The following KCNK2 variants were observed in gnomAD, a reference collection of about 807,000 sequenced individuals.
KCNK2 encodes the protein potassium channel subfamily K member 2.
Under a neutral mutation model 40.5 loss-of-function variants are expected in KCNK2, and 21 were observed. That is an observed-to-expected ratio of 0.52 (90% confidence interval 0.37 to 0.75). The LOEUF (loss-of-function observed/expected upper bound fraction) is 0.75. Among genes scored for constraint, KCNK2 ranks in the 30% least tolerant of loss-of-function variants. The pLI is 0.00. For synonymous variants in KCNK2, 191 were observed against 202.2 expected (o/e 0.94, Z 0.47); for missense variants, 399 against 531.6 (o/e 0.75, Z 2.45).
chr1:215,115,548 GC>G (rs1235373821), intron 2 of KCNK2, among the ~76,000 whole-genome samples: 1 of 151,944 alleles, frequency 6.6e-6, no homozygotes, highest in African/African-American at 2.4e-5. Flanking sequence ...TCAGTCTCCT[GC>G]CTACTCAAAT....
chr1:215,155,650 G>T (rs1662886901), intron 3 of KCNK2, among the ~76,000 whole-genome samples: 1 of 152,058 alleles, frequency 6.6e-6, no homozygotes, highest in South Asian at 2.1e-4. Context: ...CTCTCAGGTA[G>T]CTGGGACTAC....
chr1:215,063,295 T>C (rs1203875001), intron 1 of KCNK2, among the ~76,000 whole-genome samples: 1 of 152,052 alleles, frequency 6.6e-6, no homozygotes, highest in African/African-American at 2.4e-5. Flanking sequence ...CACTGGCAGG[T>C]TTTCAGCTGG....
intron 1 of KCNK2, among the ~76,000 whole-genome samples, chr1:215,024,659 A>G (rs1656931631): frequency 1.3e-5 from 2 of 152,174 alleles, no homozygotes; most frequent in Non-Finnish European, 2.9e-5. Flanking sequence ...ATTCCCATTG[A>G]ACAAATGTTG....
At chr1:215,138,259 T>C (rs1414225482) in intron 3 of KCNK2, among the ~76,000 whole-genome samples, 1 of 152,182 alleles carries the variant, frequency 6.6e-6, no homozygotes, top group Admixed American at 6.6e-5. Context: ...ATATTTTCAG[T>C]ACTCCTCTCC....
At chr1:215,182,764 A>G (rs1664280112) in intron 5 of KCNK2, among the ~76,000 whole-genome samples, 1 of 152,144 alleles carries the variant, frequency 6.6e-6, no homozygotes, top group African/African-American at 2.4e-5. Context: ...TGTTGACTTT[A>G]TGTTTGTCCA....
At chr1:215,072,973 G>A (rs1386875394) in intron 1 of KCNK2, among the ~76,000 whole-genome samples, 1 of 152,138 alleles carries the variant, frequency 6.6e-6, no homozygotes, top group African/African-American at 2.4e-5. Context: ...CAGAGGTAAT[G>A]AAGTTAAAAT....
At chr1:215,164,306 C>T (rs182463638) in intron 3 of KCNK2, among the ~76,000 whole-genome samples, 116 of 152,168 alleles carry the variant, frequency 7.6e-4, no homozygotes, top group Admixed American at 1.9e-3. Context: ...TGATTCTTCT[C>T]TCTTTTCTTT....
chr1:215,044,180 A>G (rs1657664357), intron 1 of KCNK2, among the ~76,000 whole-genome samples: 1 of 152,186 alleles, frequency 6.6e-6, no homozygotes, highest in African/African-American at 2.4e-5. Context: ...TTTCCAAAGT[A>G]TGTTTAGGAA....
At chr1:215,029,946 G>A (rs1182578673) in intron 1 of KCNK2, among the ~76,000 whole-genome samples, 2 of 152,104 alleles carry the variant, frequency 1.3e-5, no homozygotes, top group African/African-American at 4.8e-5. Context: ...ACAATTACTG[G>A]ATCATATGGT....
At chr1:215,007,918 C>T (rs1379132658) in intron 1 of KCNK2, among the ~76,000 whole-genome samples, 1 of 152,070 alleles carries the variant, frequency 6.6e-6, no homozygotes, top group African/African-American at 2.4e-5. Flanking sequence ...TTAATCCAGG[C>T]AAATTGCAAA....
chr1:215,049,404 G>T (rs192469859), intron 1 of KCNK2, among the ~76,000 whole-genome samples: 38 of 152,228 alleles, frequency 2.5e-4, no homozygotes, highest in African/African-American at 8.9e-4. Flanking sequence ...TCCACTGTCA[G>T]ATATATGGTT....
intron 6 of KCNK2, among the ~76,000 whole-genome samples, chr1:215,228,715 G>T (rs1008130061): frequency 1.3e-5 from 2 of 152,114 alleles, no homozygotes; most frequent in African/African-American, 2.4e-5. Flanking sequence ...TGAAGCAAAA[G>T]TATTTTAATG....
chr1:215,231,028 C>A (rs1191099840), intron 6 of KCNK2, among the ~76,000 whole-genome samples: 1 of 152,132 alleles, frequency 6.6e-6, no homozygotes, highest in Non-Finnish European at 1.5e-5. Flanking sequence ...AAGCACTCGG[C>A]TCTACATGTT....
At chr1:215,198,801 G>C (rs1262822488) in intron 6 of KCNK2, among the ~76,000 whole-genome samples, 3 of 151,938 alleles carry the variant, frequency 2.0e-5, no homozygotes, top group Non-Finnish European at 4.4e-5. Context: ...AGATTTAACT[G>C]GTACAAAATA....
chr1:215,231,575 A>G (rs1666669024), intron 6 of KCNK2, among the ~76,000 whole-genome samples: 1 of 152,200 alleles, frequency 6.6e-6, no homozygotes, highest in African/African-American at 2.4e-5. Context: ...TAAAAAACTT[A>G]CCCTAAGACA....
chr1:215,215,993 G>A (rs1285631253), intron 6 of KCNK2, among the ~76,000 whole-genome samples: 1 of 152,150 alleles, frequency 6.6e-6, no homozygotes, highest in Non-Finnish European at 1.5e-5. Context: ...TTAAAATACA[G>A]CAGCATGCTT....
At chr1:215,169,640 TTTC>T (rs1170066377) in intron 4 of KCNK2, among the ~76,000 whole-genome samples, 17 of 73,116 alleles carry the variant, frequency 2.3e-4, no homozygotes, top group Admixed American at 1.7e-3. Context: ...TTTCTTTTTC[TTTC>T]TTTTTTTTTT....
chr1:215,026,178 CA>C (rs2102481917), intron 1 of KCNK2, among the ~76,000 whole-genome samples: 1 of 152,054 alleles, frequency 6.6e-6, no homozygotes, highest in Non-Finnish European at 1.5e-5. Flanking sequence ...ATCTGTTGCT[CA>C]TTTTTCTTGT....
rs1666876399 is a variant in KCNK2, at chr1:215,236,082, A to ATCTATCTATCTATCTG, written c.*952_*953insGTCTATCTATCTATCT. On this transcript the variant is annotated 3_prime_UTR_variant, in exon 7 of 7. Coordinates refer to ENST00000444842, the MANE Select transcript of KCNK2 (RefSeq NM_001017425.3). ...TATCTATCTATCTATCTATCTATCT[A>ATCTATCTATCTATCTG]TCTATCTATCTATCTAAATGACCTG... is the stretch of plus-strand genomic sequence containing the variant. 5 of 151,036 alleles carry ATCTATCTATCTATCTG rather than the reference A, an allele frequency of 3.3e-5. No homozygotes were observed. Among genetic ancestry groups the ATCTATCTATCTATCTG allele is most frequent in the Admixed American group, 2.6e-4 (4 of 15,208 alleles). The allele number at this position is 151,036 out of a possible 1,614,324, so 9.4% of individuals were successfully genotyped here.
Sources: gnomAD v4.1 joint callset for allele counts (sites outside exome capture counted in the v4.1 genomes callset) on GRCh38, gnomAD v4.1.1 for gene constraint, MANE v1.5 for transcripts, NCBI Gene and HGNC (gene_info 2026-07-23, HGNC 2026-07-21) for gene names.